Variants in GPC5 observed in about 807,000 individuals in gnomAD.
GPC5 encodes glypican-5.
In GPC5, 47 loss-of-function variants were observed where a neutral mutation model predicts 53.9. The ratio of observed to expected loss-of-function variants is 0.87; its 90% CI spans 0.69 to 1.11. The LOEUF (loss-of-function observed/expected upper bound fraction) is 1.11. Among genes scored for constraint, GPC5 ranks in the 50% most tolerant of loss-of-function variants. GPC5 has a pLI of 0.00. For synonymous variants in GPC5, 286 were observed against 263.3 expected (o/e 1.09, Z -0.84); for missense variants, 748 against 713.1 (o/e 1.05, Z -0.56).
chr13:92,217,131 A>G (rs1351296833), intron 7 of GPC5, among the ~76,000 whole-genome samples: 3 of 152,114 alleles, frequency 2.0e-5, no homozygotes, highest in Non-Finnish European at 2.9e-5. Context: ...GCCTCAGGGT[A>G]TGCTCATTTG....
At chr13:91,560,398 T>C (rs1241911821) in intron 2 of GPC5, among the ~76,000 whole-genome samples, 1 of 152,144 alleles carries the variant, frequency 6.6e-6, no homozygotes, top group South Asian at 2.1e-4. Flanking sequence ...ATGTGTTTGC[T>C]GATTTCAGCT....
intron 5 of GPC5, among the ~76,000 whole-genome samples, chr13:91,892,696 T>C (rs895679843): frequency 6.6e-6 from 1 of 151,732 alleles, no homozygotes; most frequent in Non-Finnish European, 1.5e-5. Context: ...CCCAAATATA[T>C]TTAGACTTTC....
At chr13:91,539,899 C>A (rs1238023600) in intron 2 of GPC5, among the ~76,000 whole-genome samples, 1 of 151,582 alleles carries the variant, frequency 6.6e-6, no homozygotes, top group Admixed American at 6.6e-5. Flanking sequence ...AGTTGGTGAA[C>A]TTTTGTATAA....
chr13:91,533,656 C>A (rs1886455134), intron 2 of GPC5, among the ~76,000 whole-genome samples: 1 of 152,104 alleles, frequency 6.6e-6, no homozygotes, highest in Admixed American at 6.6e-5. Flanking sequence ...AAAAAGGGTG[C>A]TCCAAATGAT....
intron 6 of GPC5, among the ~76,000 whole-genome samples, chr13:91,934,815 C>T (rs554808462): frequency 1.3e-5 from 2 of 151,994 alleles, no homozygotes; most frequent in East Asian, 3.9e-4. Context: ...CAAGGGTCAC[C>T]CTTCACTTCA....
chr13:92,761,584 T>C (rs1237110215), intron 7 of GPC5, among the ~76,000 whole-genome samples: 1 of 152,202 alleles, frequency 6.6e-6, no homozygotes, highest in Non-Finnish European at 1.5e-5. Context: ...CTTCCATCTC[T>C]TCACTTTCAG....
intron 2 of GPC5, among the ~76,000 whole-genome samples, chr13:91,495,754 G>A (rs1373902250): frequency 2.0e-5 from 3 of 152,212 alleles, no homozygotes; most frequent in Admixed American, 6.5e-5. Flanking sequence ...TTGTTGTGGC[G>A]GCTCACGCCT....
At chr13:92,189,848 C>G (rs1276164754) in intron 7 of GPC5, among the ~76,000 whole-genome samples, 1 of 152,034 alleles carries the variant, frequency 6.6e-6, no homozygotes, top group African/African-American at 2.4e-5. Context: ...CAGGAAAGAA[C>G]TGAGAAAAGA....
chr13:91,649,365 C>G (rs1333065037), intron 2 of GPC5, among the ~76,000 whole-genome samples: 6 of 152,154 alleles, frequency 3.9e-5, no homozygotes, highest in African/African-American at 1.4e-4. Flanking sequence ...GGACTGGTTT[C>G]ACATCTTTAA....
chr13:91,525,955 A>G (rs1305800830), intron 2 of GPC5, among the ~76,000 whole-genome samples: 1 of 152,194 alleles, frequency 6.6e-6, no homozygotes, highest in Non-Finnish European at 1.5e-5. Flanking sequence ...ACAGGTGTCA[A>G]AAGTTGAATT....
chr13:91,455,881 A>G (rs1419334957), intron 2 of GPC5, among the ~76,000 whole-genome samples: 1 of 152,150 alleles, frequency 6.6e-6, no homozygotes, highest in Non-Finnish European at 1.5e-5. Context: ...TATGTGTAAA[A>G]TAACTTTTAT....
At chr13:91,795,076 G>A (rs1421379828) in intron 5 of GPC5, among the ~76,000 whole-genome samples, 1 of 152,134 alleles carries the variant, frequency 6.6e-6, no homozygotes, top group Non-Finnish European at 1.5e-5. Flanking sequence ...ACAGATGTCT[G>A]CTAAGATTAA....
At chr13:91,678,298 T>G (rs1483583622) in intron 2 of GPC5, among the ~76,000 whole-genome samples, 2 of 152,180 alleles carry the variant, frequency 1.3e-5, no homozygotes, top group African/African-American at 2.4e-5. Flanking sequence ...CAGATTAAAT[T>G]TAAACCGTTT....
rs538412772 is a variant in GPC5 at position 92,194,856 on chromosome 13, G to C, written c.1561+49867G>C. Among the ~76,000 whole-genome samples, 32 of 152,304 alleles carry C rather than the reference G, an allele frequency of 2.1e-4. 1 individual carries two copies. The South Asian group carries it at 6.0e-3, about 29-fold the overall frequency. ...TTGTAATCTAAGGTAGAGTGAGAAG[G>C]AAAGTGATTTTAGGGTCATGATTGA... On this transcript the variant is annotated intron_variant, in intron 7 of 7. Transcript: ENST00000377067.
At chr13:92,259,499 T>C (rs2042750236) in intron 7 of GPC5, among the ~76,000 whole-genome samples, 1 of 152,172 alleles carries the variant, frequency 6.6e-6, no homozygotes, top group South Asian at 2.1e-4. Flanking sequence ...ATAAAATTCC[T>C]TCAGTTGAGT....
intron 7 of GPC5, among the ~76,000 whole-genome samples, chr13:92,400,408 C>T (rs961281100): frequency 2.0e-5 from 3 of 152,164 alleles, no homozygotes; most frequent in Non-Finnish European, 4.4e-5. Context: ...CCTACTAACC[C>T]AAGAACATTG....
At chr13:91,494,180 G>A (rs1260004356) in intron 2 of GPC5, among the ~76,000 whole-genome samples, 2 of 151,562 alleles carry the variant, frequency 1.3e-5, no homozygotes, top group African/African-American at 2.4e-5. Flanking sequence ...ATGAGCCACC[G>A]CGCCCGGTCT....
intron 7 of GPC5, among the ~76,000 whole-genome samples, chr13:92,326,959 C>T (rs932962191): frequency 4.6e-5 from 7 of 151,934 alleles, no homozygotes; most frequent in Admixed American, 6.6e-5. Flanking sequence ...CCAGTGTAGT[C>T]TCACCTTGAA....
At chr13:92,500,972 A>G (rs1293624695) in intron 7 of GPC5, among the ~76,000 whole-genome samples, 2 of 152,158 alleles carry the variant, frequency 1.3e-5, no homozygotes, top group Admixed American at 1.3e-4. Context: ...ACCCCTACCC[A>G]GTTGACTATC....
Sources: gnomAD v4.1 joint callset for allele counts (sites outside exome capture counted in the v4.1 genomes callset) on GRCh38, gnomAD v4.1.1 for gene constraint, MANE v1.5 for transcripts, NCBI Gene and HGNC (gene_info 2026-07-23, HGNC 2026-07-21) for gene names.